Variants in METTL16 observed in about 807,000 individuals in gnomAD.
METTL16 encodes the protein methyltransferase 16, RNA N6-adenosine, also known as RNA N(6)-adenosine-methyltransferase METTL16.
A neutral mutation model predicts 57.9 loss-of-function variants in METTL16; 19 were observed. That is an observed-to-expected ratio of 0.33 (90% CI 0.23 to 0.48). The LOEUF (loss-of-function observed/expected upper bound fraction) is 0.48, where lower values mean the gene tolerates loss of function less well. Among genes scored for constraint, METTL16 ranks in the 20% least tolerant of loss-of-function variants. The pLI is 0.99. For synonymous variants in METTL16, 246 were observed against 255.6 expected (o/e 0.96, Z 0.36); for missense variants, 434 against 691.5 (o/e 0.63, Z 4.18).
Position 2,498,160 on chromosome 17 carries a change from C to G in METTL16, c.128+4044G>C, listed in dbSNP as rs369706011. 7.3e-5 allele frequency among the ~76,000 whole-genome samples: 11 copies of G among 150,738 alleles called. No homozygotes were observed. The South Asian group carries it at 2.3e-3, about 31-fold the overall frequency. ...AGTGAGCCGAGATCGCGCCACTGCA[C>G]TCCAGCCTGGGCGACAGAGTAAGAC... is the stretch of plus-strand genomic sequence containing the variant. On this transcript the variant is annotated intron_variant, in intron 2 of 9. Coordinates refer to ENST00000263092, the MANE Select transcript of METTL16 (RefSeq NM_024086.4).
chr17:2,474,372 GAAAGAAACAAAAAGA>G lies in METTL16; in HGVS notation c.329-723_329-709del, dbSNP rs1247958065. Among the ~76,000 whole-genome samples the G allele has an allele frequency of 9.5e-5, 8 of 84,534 alleles. No individual in the cohort carries two copies. In the East Asian group the frequency reaches 2.4e-3, roughly 25 times the overall value. The allele number at this position is 84,534 out of a possible 152,430, so 55.5% of individuals were successfully genotyped here. On this transcript the variant is annotated intron_variant, in intron 3 of 9. Coordinates refer to ENST00000263092, the MANE Select transcript of METTL16 (RefSeq NM_024086.4). ...CCCAAATGTCTGTAAGTTGTCAGCTGAAAGAAACAAAAAGAAAAAAAAAAAAAAAAAAAAAGCTAA... is the reference window on the plus strand; with the variant it reads ...CCCAAATGTCTGTAAGTTGTCAGCTGAAAAAAAAAAAAAAAAAAAAGCTAA...
chr17:2,474,386 G>GCAAAAAAAAAAAA (rs2067255452), intron 3 of METTL16, among the ~76,000 whole-genome samples: 1 of 60,236 alleles, frequency 1.7e-5, no homozygotes, highest in Non-Finnish European at 4.0e-5. Flanking sequence ...GAAACAAAAA[G>GCAAAAAAAAAAAA]AAAAAAAAAA....
Position 2,420,643 on chromosome 17 carries a change from C to G in METTL16, c.1063-47G>C, listed in dbSNP as rs1402326059. 2 of 1,561,696 alleles carry G rather than the reference C, an allele frequency of 1.3e-6. No homozygotes were observed. Among genetic ancestry groups the G allele is most frequent in the Non-Finnish European group, 1.7e-6 (2 of 1,161,204 alleles). On this transcript the variant is annotated intron_variant, in intron 9 of 9. Coordinates refer to ENST00000263092, the MANE Select transcript of METTL16 (RefSeq NM_024086.4). The surrounding 1 kb of genome is among the most constrained non-coding windows in gnomAD (Gnocchi z 5.4). ...TTTTGTGGGAAATCACGTTTCCCCT[C>G]TCTCCAAACTCTCAATAAAAAAAAA...
chr17:2,481,440 A>C (rs1167606655), intron 2 of METTL16, among the ~76,000 whole-genome samples: 1 of 152,192 alleles, frequency 6.6e-6, no homozygotes, highest in African/African-American at 2.4e-5. Flanking sequence ...AACGATACAG[A>C]GAAGAAGAGA....
Position 2,477,676 on chromosome 17 carries a change from A to G in METTL16, c.328+10T>C. On this transcript the variant is annotated intron_variant, in intron 3 of 9. Transcript: ENST00000263092. ...ACTGTTTAGCCAAAAAAGAATTTAA[A>G]ATGATATACCTATGTCAATTCCTCT... 4 of 1,598,704 alleles carry G rather than the reference A, an allele frequency of 2.5e-6. No individual in the cohort carries two copies. Among genetic ancestry groups the G allele is most frequent in the Non-Finnish European group, 3.4e-6 (4 of 1,167,928 alleles).
In METTL16 at chr17:2,420,216, T is replaced by G. The variant is rs1271918220; in HGVS notation, c.1443A>C (p.Gln481His). 2.5e-6 allele frequency: 4 copies of G among 1,614,126 alleles called. No homozygotes were observed. The highest frequency in any genetic ancestry group is 1.7e-6 in the Non-Finnish European group (2 of 1,180,050). ...KGGVEVLESCQGSSNGAQDQE... is the reference protein window; with the variant it reads ...KGGVEVLESCHGSSNGAQDQE... Reference sequence around the variant, plus strand: ...GGTCCTGGGCTCCGTTGCTAGAGCCTTGACAACTTTCCAAAACCTCCACCC... The same window carrying G: ...GGTCCTGGGCTCCGTTGCTAGAGCCGTGACAACTTTCCAAAACCTCCACCC... Residue 481 changes from glutamine (Q) to histidine (H), a missense_variant, in exon 10 of 10, where the codon CAA becomes CAC. This residue lies in a region of METTL16 where 168 missense variants were observed against 149.6 expected (regional missense o/e 1.12). Transcript: ENST00000263092. The surrounding 1 kb of genome is among the most constrained non-coding windows in gnomAD (Gnocchi z 5.4).
chr17:2,503,770 G>T (rs1180917051), intron 1 of METTL16, among the ~76,000 whole-genome samples: 5 of 149,596 alleles, frequency 3.3e-5, no homozygotes, highest in African/African-American at 1.2e-4. Context: ...AATAAATATG[G>T]ATAAACAAAA....
intron 4 of METTL16, among the ~76,000 whole-genome samples, chr17:2,469,897 G>A (rs1320714737): frequency 6.6e-6 from 1 of 152,142 alleles, no homozygotes; most frequent in Non-Finnish European, 1.5e-5. Context: ...TGGTGACTAA[G>A]TTACTTCATA....
In METTL16 at chr17:2,480,722, G is replaced by A. The variant is rs1009072861; in HGVS notation, c.129-2837C>T. ...GATGGGGCTCCCTTTGGCCAAATCT[G>A]TGTCAATGTGAATGAAGAAGGCTAA... On this transcript the variant is annotated intron_variant, in intron 2 of 9. Transcript: ENST00000263092. 2.0e-5 allele frequency among the ~76,000 whole-genome samples: 3 copies of A among 152,326 alleles called. No individual in the cohort carries two copies. The South Asian group carries it at 6.2e-4, about 32-fold the overall frequency.
At chr17:2,422,932 G>A (rs965627958) in intron 8 of METTL16, among the ~76,000 whole-genome samples, 2 of 152,114 alleles carry the variant, frequency 1.3e-5, no homozygotes, top group African/African-American at 4.8e-5. Context: ...GCAGTGAGAT[G>A]AGATTGCGCC....
At chr17:2,438,260 T>C in intron 7 of METTL16, 62 bp from the exon 8 acceptor site, 1 of 1,151,728 alleles carries the variant, frequency 8.7e-7, no homozygotes, top group Non-Finnish European at 1.3e-6. Flanking sequence ...TGTTTCTGGC[T>C]GCTGCGTCAT....
chr17:2,442,694 A>G (rs1047653679), intron 6 of METTL16, among the ~76,000 whole-genome samples: 8 of 152,234 alleles, frequency 5.3e-5, no homozygotes, highest in African/African-American at 1.9e-4. Context: ...GACGTCCCGC[A>G]GGTCCTACAG....
In METTL16 at chr17:2,418,150, T is replaced by C. The variant is rs866913640; in HGVS notation, c.*1820A>G. 6.6e-6 allele frequency: 1 copy of C among 151,162 alleles called. No individual in the cohort carries two copies. Among genetic ancestry groups the C allele is most frequent in the African/African-American group, 2.4e-5 (1 of 41,116 alleles). The allele number at this position is 151,162 out of a possible 1,614,324, so 9.4% of individuals were successfully genotyped here. On this transcript the variant is annotated 3_prime_UTR_variant, in exon 10 of 10. Transcript: ENST00000263092. ...AATCCTTAGTGGGTTATTGACCCCT[T>C]TGTCTGTGTCTGAGGGTTCTGGGAA...
At chr17:2,502,870 G>C (rs79111121) in intron 1 of METTL16, among the ~76,000 whole-genome samples, 4,093 of 151,966 alleles carry the variant, frequency 0.027, 98 homozygotes, top group African/African-American at 0.067. Flanking sequence ...AACCACGTGA[G>C]ACACCACTTC....
intron 8 of METTL16, among the ~76,000 whole-genome samples, chr17:2,428,177 C>A (rs1296464284): frequency 1.3e-5 from 2 of 151,954 alleles, no homozygotes; most frequent in Non-Finnish European, 2.9e-5. Context: ...CTGGTACCAT[C>A]CCTAGTGCCC....
chr17:2,441,367 G>A, intron 7 of METTL16, 123 bp downstream of exon 7: 1 of 606,544 alleles, frequency 1.6e-6, no homozygotes, highest in East Asian at 3.4e-5. Context: ...TTGTTCCGGT[G>A]ACAGTTACAC....
At chr17:2,430,655 C>T (rs75260454) in intron 8 of METTL16, among the ~76,000 whole-genome samples, 20 of 151,846 alleles carry the variant, frequency 1.3e-4, no homozygotes, top group African/African-American at 4.1e-4. Context: ...CCTGACCTCG[C>T]GATCCGCCGG....
intron 2 of METTL16, among the ~76,000 whole-genome samples, chr17:2,493,892 C>CA (rs1663192559): frequency 6.6e-6 from 1 of 152,062 alleles, no homozygotes; most frequent in Non-Finnish European, 1.5e-5. Context: ...TGCGAGGTTG[C>CA]AACTATAAAT....
At chr17:2,507,747 T>C (rs1483041536) in intron 1 of METTL16, among the ~76,000 whole-genome samples, 2 of 152,094 alleles carry the variant, frequency 1.3e-5, no homozygotes, top group African/African-American at 4.8e-5. Context: ...TAGAAAGAGG[T>C]AGACATGGGA....
Sources: gnomAD v4.1 joint callset for allele counts (sites outside exome capture counted in the v4.1 genomes callset) on GRCh38, gnomAD v4.1.1 for gene constraint, gnomAD v4.1.1 regional missense constraint, Gnocchi (gnomAD v3.1) non-coding constraint, MANE v1.5 for transcripts, NCBI Gene and HGNC (gene_info 2026-07-23, HGNC 2026-07-21) for gene names.